Variants in MAGI2 observed in about 807,000 individuals in gnomAD.
The protein encoded by MAGI2 is membrane associated guanylate kinase, WW and PDZ domain containing 2, also known as membrane-associated guanylate kinase, WW and PDZ domain-containing protein 2.
In MAGI2, 35 loss-of-function variants were observed where a neutral mutation model predicts 133.3. That is an observed-to-expected ratio of 0.26 (90% CI 0.20 to 0.35). MAGI2 has a LOEUF of 0.35. MAGI2 is among the 10% of genes least tolerant of loss of function. MAGI2 has a pLI of 1.00. For missense variants in MAGI2, 1,636 were observed against 1,863.4 expected (o/e 0.88, Z 2.25); for synonymous variants, 729 against 710.6 (o/e 1.03, Z -0.41).
chr7:79,213,009 G>C (rs905043892), intron 1 of MAGI2, among the ~76,000 whole-genome samples: 14 of 151,922 alleles, frequency 9.2e-5, no homozygotes, highest in African/African-American at 3.4e-4. Flanking sequence ...ACACTATTGT[G>C]AGGATTCTGT....
chr7:78,285,659 G>A (rs968434922), intron 9 of MAGI2: 3 of 152,104 alleles, frequency 2.0e-5, no homozygotes, highest in African/African-American at 7.2e-5. Flanking sequence ...GCCTCTCTGT[G>A]CTCTAAGCTC....
intron 1 of MAGI2, among the ~76,000 whole-genome samples, chr7:79,267,519 G>A (rs1834564085): frequency 6.6e-6 from 1 of 152,184 alleles, no homozygotes; most frequent in Non-Finnish European, 1.5e-5. Context: ...TATGTGGTTA[G>A]CCATGAAAGT....
intron 14 of MAGI2, chr7:78,170,672 G>A (rs926209622): frequency 2.6e-5 from 4 of 152,046 alleles, no homozygotes; most frequent in Admixed American, 2.0e-4. Flanking sequence ...TGTGGTCAAG[G>A]TAGTGCTAGA....
intron 21 of MAGI2, among the ~76,000 whole-genome samples, chr7:78,046,492 A>G (rs1811449245): frequency 6.6e-6 from 1 of 152,178 alleles, no homozygotes; most frequent in African/African-American, 2.4e-5. Context: ...TGCTGACCAC[A>G]CATGTTGAAT....
intron 1 of MAGI2, among the ~76,000 whole-genome samples, chr7:79,208,448 A>T (rs973339524): frequency 4.6e-5 from 7 of 151,994 alleles, no homozygotes; most frequent in Non-Finnish European, 5.9e-5. Context: ...AATGCTCAAC[A>T]TTACTCATCA....
rs1408413184 is a variant in MAGI2, at chr7:78,127,134, T to C, written c.3423+63A>G. ...TACTCTTTCCTCTGCCTCTCCTATT[T>C]CATTCCTTGCAGTTCTCTGGAAGCC... On this transcript the variant is annotated intron_variant, in intron 19 of 21. Coordinates refer to ENST00000354212, the MANE Select transcript of MAGI2 (RefSeq NM_012301.4). The C allele has an allele frequency of 3.1e-6, 4 of 1,288,980 alleles. No homozygotes were observed. The East Asian group carries it at 9.5e-5, about 31-fold the overall frequency. The allele number at this position is 1,288,980 out of a possible 1,614,324, so 79.8% of individuals were successfully genotyped here. A position where few individuals can be genotyped will look rare whatever the true frequency, so the allele number is the denominator to read the frequency against.
intron 2 of MAGI2, among the ~76,000 whole-genome samples, chr7:79,004,965 C>T (rs1270436579): frequency 6.6e-6 from 1 of 151,882 alleles, no homozygotes; most frequent in African/African-American, 2.4e-5. Context: ...GCCTGTAATC[C>T]CAGCTACTCA....
intron 2 of MAGI2, among the ~76,000 whole-genome samples, chr7:78,716,580 T>C (rs993142857): frequency 6.6e-6 from 1 of 152,204 alleles, no homozygotes; most frequent in Non-Finnish European, 1.5e-5. Context: ...TTTTATGTTG[T>C]TGCTGTTTTT....
At chr7:78,851,268 T>C (rs929036424) in intron 2 of MAGI2, among the ~76,000 whole-genome samples, 2 of 152,072 alleles carry the variant, frequency 1.3e-5, no homozygotes, top group African/African-American at 4.8e-5. Context: ...AACAAGCATA[T>C]CTTAACCACA....
chr7:78,497,746 ATCTATCTATCTATCTATCTT>A (rs1794236356), intron 5 of MAGI2, among the ~76,000 whole-genome samples: 1 of 116,686 alleles, frequency 8.6e-6, no homozygotes, highest in African/African-American at 3.1e-5. Flanking sequence ...CTATCTATCT[ATCTATCTATCTATCTATCTT>A]TCTATCTTAT....
chr7:78,314,151 A>C (rs1787164478), intron 9 of MAGI2, among the ~76,000 whole-genome samples: 1 of 152,164 alleles, frequency 6.6e-6, no homozygotes, highest in African/African-American at 2.4e-5. Flanking sequence ...TAAGACTGTA[A>C]TGGACTCACA....
chr7:78,066,324 G>C (rs1243634773), intron 21 of MAGI2, among the ~76,000 whole-genome samples: 1 of 151,972 alleles, frequency 6.6e-6, no homozygotes, highest in Non-Finnish European at 1.5e-5. Flanking sequence ...TAGCTGGGCA[G>C]GTTGGTGTGC....
intron 20 of MAGI2, among the ~76,000 whole-genome samples, chr7:78,095,797 G>C (rs1006780077): frequency 2.0e-5 from 3 of 152,186 alleles, no homozygotes; most frequent in South Asian, 2.1e-4. Flanking sequence ...AATAAAATGT[G>C]AGGAACTTAG....
At chr7:79,056,149 T>G (rs1465831514) in intron 1 of MAGI2, among the ~76,000 whole-genome samples, 1 of 152,140 alleles carries the variant, frequency 6.6e-6, no homozygotes, top group Non-Finnish European at 1.5e-5. Context: ...ACTCCAGCCC[T>G]TTCGGGGGCT....
intron 1 of MAGI2, among the ~76,000 whole-genome samples, chr7:79,424,539 C>T (rs750662071): frequency 3.2e-4 from 48 of 152,038 alleles, no homozygotes; most frequent in Non-Finnish European, 5.4e-4. Flanking sequence ...AAAAAATGCA[C>T]AGACAGTGCA....
At chr7:78,448,849 G>C (rs1788424045) in intron 6 of MAGI2, among the ~76,000 whole-genome samples, 2 of 152,114 alleles carry the variant, frequency 1.3e-5, no homozygotes, top group South Asian at 4.1e-4. Flanking sequence ...AACATGAAGA[G>C]GTTAGGACAG....
At chr7:78,535,917 A>T (rs1388064828) in intron 3 of MAGI2, among the ~76,000 whole-genome samples, 2 of 136,634 alleles carry the variant, frequency 1.5e-5, no homozygotes, top group East Asian at 4.1e-4. Flanking sequence ...GAACTGACTC[A>T]GCACAAGAGG....
intron 2 of MAGI2, among the ~76,000 whole-genome samples, chr7:78,637,227 A>G (rs576253889): frequency 6.6e-6 from 1 of 152,298 alleles, no homozygotes; most frequent in African/African-American, 2.4e-5. Context: ...CATGAGGAGT[A>G]TTTTTCATAG....
chr7:78,407,654 CTT>C lies in MAGI2; in HGVS notation c.1046-38443_1046-38442del, dbSNP rs3061272. Among the ~76,000 whole-genome samples the C allele has an allele frequency of 1.2e-4, 18 of 148,506 alleles. No homozygotes were observed. The East Asian group carries it at 2.6e-3, about 22-fold the overall frequency. On this transcript the variant is annotated intron_variant, in intron 6 of 21. Transcript: ENST00000354212. ...TATCAAGCTGCTGCAGCTTCTTCTA[CTT>C]TTTTTTTTTTTTTAAATTCCAACGT...
Sources: gnomAD v4.1 joint callset for allele counts (sites outside exome capture counted in the v4.1 genomes callset) on GRCh38, gnomAD v4.1.1 for gene constraint, MANE v1.5 for transcripts, NCBI Gene and HGNC (gene_info 2026-07-23, HGNC 2026-07-21) for gene names.